TRHDE: variants seen among roughly 807,000 people sequenced by gnomAD.
TRHDE encodes thyrotropin-releasing hormone-degrading ectoenzyme.
Under a neutral mutation model 125.7 loss-of-function variants are expected in TRHDE, and 72 were observed. The ratio of observed to expected loss-of-function variants is 0.57; its 90% CI spans 0.47 to 0.70. TRHDE has a LOEUF of 0.70. TRHDE is among the 30% of genes least tolerant of loss of function. The pLI is 0.00. For missense variants in TRHDE, 1,110 were observed against 1,327.1 expected (o/e 0.84, Z 2.54); for synonymous variants, 509 against 509.1 (o/e 1.00, Z 0.00).
intron 2 of TRHDE, among the ~76,000 whole-genome samples, chr12:72,323,850 G>A (rs1324998638): frequency 6.6e-6 from 1 of 152,062 alleles, no homozygotes; most frequent in Non-Finnish European, 1.5e-5. Flanking sequence ...GGGAGAGAGA[G>A]AAAGAGAGAG....
At chr12:72,542,257 GAAATT>G in intron 6 of TRHDE, 29 bp from the exon 7 acceptor site, 3 of 1,508,614 alleles carry the variant, frequency 2.0e-6, no homozygotes, top group Non-Finnish European at 2.7e-6. Context: ...ATACTTTGTT[GAAATT>G]CTGTTCTTTT....
chr12:72,308,617 G>A (rs577439549), intron 2 of TRHDE, among the ~76,000 whole-genome samples: 1 of 152,186 alleles, frequency 6.6e-6, no homozygotes, highest in East Asian at 1.9e-4. Flanking sequence ...GCCCAGTCCA[G>A]GTTATATCAG....
At chr12:72,441,528 A>G (rs1329370471) in intron 3 of TRHDE, among the ~76,000 whole-genome samples, 3 of 151,848 alleles carry the variant, frequency 2.0e-5, no homozygotes, top group Non-Finnish European at 2.9e-5. Context: ...AGGTGTGGGG[A>G]AAACCTGATG....
intron 3 of TRHDE, among the ~76,000 whole-genome samples, chr12:72,460,459 A>G (rs549308917): frequency 2.0e-5 from 3 of 152,114 alleles, no homozygotes; most frequent in African/African-American, 7.2e-5. Flanking sequence ...TGTAACCCCC[A>G]TTGGTTTTTA....
chr12:72,315,947 A>T (rs1474762939), intron 2 of TRHDE, among the ~76,000 whole-genome samples: 41 of 152,156 alleles, frequency 2.7e-4, no homozygotes. Context: ...TAGCTGGGGG[A>T]GAAAAACACA....
chr12:72,466,310 G>A (rs1410564842), intron 3 of TRHDE, among the ~76,000 whole-genome samples: 1 of 152,182 alleles, frequency 6.6e-6, no homozygotes, highest in Non-Finnish European at 1.5e-5. Context: ...AAATCCCAAT[G>A]TGTGGCTTGA....
chr12:72,569,543 C>A (rs562325521), intron 10 of TRHDE, among the ~76,000 whole-genome samples: 11 of 152,092 alleles, frequency 7.2e-5, no homozygotes, highest in Non-Finnish European at 1.6e-4. Flanking sequence ...CTCAGCCTTG[C>A]TATTATAAGG....
At chr12:72,334,810 C>T (rs775815562) in intron 2 of TRHDE, among the ~76,000 whole-genome samples, 7 of 152,190 alleles carry the variant, frequency 4.6e-5, no homozygotes, top group Non-Finnish European at 7.3e-5. Context: ...TTATTACTTA[C>T]AGATCCTGAG....
At chr12:72,221,272 A>T (rs1433370707) in intron 2 of TRHDE, among the ~76,000 whole-genome samples, 2 of 152,132 alleles carry the variant, frequency 1.3e-5, no homozygotes, top group East Asian at 3.9e-4. Context: ...ATGCTTAAGA[A>T]TAAATTTATG....
chr12:72,495,329 A>G (rs1253792963), intron 5 of TRHDE, among the ~76,000 whole-genome samples: 1 of 151,996 alleles, frequency 6.6e-6, no homozygotes, highest in Non-Finnish European at 1.5e-5. Flanking sequence ...TTCCTAAGAC[A>G]CTACTTTTAT....
At chr12:72,655,824 A>G (rs954902858) in intron 17 of TRHDE, among the ~76,000 whole-genome samples, 3 of 152,158 alleles carry the variant, frequency 2.0e-5, no homozygotes, top group Admixed American at 6.6e-5. Flanking sequence ...CACTTACATT[A>G]TTATTGAATG....
intron 6 of TRHDE, among the ~76,000 whole-genome samples, chr12:72,538,558 C>T (rs911253667): frequency 6.6e-6 from 1 of 151,958 alleles, no homozygotes; most frequent in Non-Finnish European, 1.5e-5. Context: ...GACTCTCCCA[C>T]TCTAATTCCC....
chr12:72,152,320 T>A (rs956482879), intron 2 of TRHDE, among the ~76,000 whole-genome samples: 1 of 151,828 alleles, frequency 6.6e-6, no homozygotes, highest in African/African-American at 2.4e-5. Context: ...GTTTTCTAGA[T>A]ATACAATCAT....
intron 2 of TRHDE, among the ~76,000 whole-genome samples, chr12:72,295,771 G>A (rs1321363634): frequency 1.4e-5 from 2 of 139,858 alleles, no homozygotes; most frequent in East Asian, 2.2e-4. Flanking sequence ...ATAGGTTAAT[G>A]TATTCTAACC....
chr12:72,205,589 T>C (rs1286101275), intron 2 of TRHDE, among the ~76,000 whole-genome samples: 1 of 152,184 alleles, frequency 6.6e-6, no homozygotes, highest in Non-Finnish European at 1.5e-5. Flanking sequence ...AGATATCCCA[T>C]GTAAGTAGAA....
chr12:72,098,905 T>G (rs1441368935), intron 1 of TRHDE, among the ~76,000 whole-genome samples: 1 of 152,102 alleles, frequency 6.6e-6, no homozygotes, highest in African/African-American at 2.4e-5. Context: ...GTGGCTCACG[T>G]CTGTAATTCT....
chr12:72,632,612 A>T (rs1193663459), intron 15 of TRHDE, among the ~76,000 whole-genome samples: 1 of 151,828 alleles, frequency 6.6e-6, no homozygotes, highest in Middle Eastern at 3.2e-3. Context: ...TTTTCTACCT[A>T]TAAAGCATTT....
At chr12:72,629,360 G>A (rs1873384898) in intron 15 of TRHDE, among the ~76,000 whole-genome samples, 1 of 151,086 alleles carries the variant, frequency 6.6e-6, no homozygotes, top group African/African-American at 2.4e-5. Flanking sequence ...TTTTTTCTTT[G>A]CAGTATAATT....
chr12:72,474,088 A>G (rs1170967417), intron 5 of TRHDE, among the ~76,000 whole-genome samples: 1 of 152,074 alleles, frequency 6.6e-6, no homozygotes, highest in Non-Finnish European at 1.5e-5. Context: ...ATATGTATAT[A>G]TTGTTTTAAA....
Sources: allele counts gnomAD v4.1 joint callset (sites outside exome capture counted in the v4.1 genomes callset), GRCh38; gene constraint gnomAD v4.1.1; transcripts MANE v1.5; gene names NCBI Gene and HGNC (gene_info 2026-07-23, HGNC 2026-07-21).